Variants in ACHE observed in about 807,000 individuals in gnomAD.
The protein encoded by ACHE is acetylcholinesterase.
A neutral mutation model predicts 53.9 loss-of-function variants in ACHE; 19 were observed. The observed-to-expected ratio is 0.35, with a 90% CI of 0.25 to 0.52. The LOEUF is 0.52. Among genes scored for constraint, ACHE ranks in the 20% least tolerant of loss-of-function variants. The pLI, the probability that ACHE is intolerant of heterozygous loss-of-function variation, is 0.95. For synonymous variants in ACHE, 392 were observed against 378.1 expected, an observed-to-expected ratio of 1.04 and a Z score of -0.43; for missense variants, 605 against 849.4, an observed-to-expected ratio of 0.71 and a Z score of 3.58.
In ACHE at chr7:100,891,312, T is replaced by C; in HGVS notation, c.1580A>G (p.Lys527Arg). The C allele has an allele frequency of 6.3e-7, 1 of 1,577,896 alleles. No individual in the cohort carries two copies. The highest frequency in any genetic ancestry group is 1.1e-5 in the South Asian group (1 of 89,022). The change falls in exon 4 of 5, where the codon AAG (lysine) becomes AGG (arginine). Residue 527 changes from lysine to arginine, a missense_variant. Lys to Arg is a conservative substitution (Grantham distance 26). This residue lies in a region of ACHE where 91 missense variants were observed against 83.2 expected (regional missense o/e 1.09). Coordinates refer to ENST00000241069, the MANE Select transcript of ACHE (RefSeq NM_000665.5). ...TGDPNEPRDP[K>R]APQWPPYTAG... ...CGTGTACGGGGGCCATTGTGGGGCC[T>C]TGGGGTCTCGGGGCTCATTGGGATC...
upstream of ACHE, chr7:100,896,332 C>CAG (rs1462915734): frequency 6.5e-6 from 1 of 154,730 alleles, no homozygotes; most frequent in Non-Finnish European, 1.4e-5. Context: ...GGCCACGACA[C>CAG]AGACGGGTGG....
rs1790679209 is a variant in ACHE at position 100,891,300 on chromosome 7, C to T, written c.1592G>A (p.Trp531Ter). The T allele has an allele frequency of 6.3e-7, 1 of 1,594,176 alleles. No individual in the cohort carries two copies. Among genetic ancestry groups the T allele is most frequent in the Non-Finnish European group, 8.5e-7 (1 of 1,171,518 alleles). The change falls in exon 4 of 5, where the codon TGG becomes TAG. Residue 531 changes from tryptophan to a stop codon, truncating the protein, a stop_gained. Transcript: ENST00000241069. LOFTEE classifies it high-confidence loss of function. ...CTGAGCCCCCGCCGTGTACGGGGGC[C>T]ATTGTGGGGCCTTGGGGTCTCGGGG... Reference protein sequence around the residue: ...NEPRDPKAPQWPPYTAGAQQY... With the variant: ...NEPRDPKAPQ
chr7:100,895,095 C>G (rs1790967815), intron 1 of ACHE, among the ~76,000 whole-genome samples: 1 of 152,082 alleles, frequency 6.6e-6, no homozygotes, highest in Non-Finnish European at 1.5e-5. Flanking sequence ...GCCTGCGTTC[C>G]CGGGACTCCG....
Position 100,890,026 on chromosome 7 carries a change from G to C in ACHE, c.*188C>G. ...AACAGTTTATTGGCAGCCCAGAGGG[G>C]CGAAGGCACCGCGGGGGAGGGAGCT... On this transcript the variant is annotated 3_prime_UTR_variant, in exon 5 of 5. Transcript: ENST00000241069. The C allele has an allele frequency of 1.6e-6, 1 of 643,380 alleles. No homozygotes were observed. Among genetic ancestry groups the C allele is most frequent in the South Asian group, 2.1e-5 (1 of 46,898 alleles). The allele number at this position is 643,380 out of a possible 1,614,324, so 39.9% of individuals were successfully genotyped here.
Position 100,893,584 on chromosome 7 carries a change from TCTC to T in ACHE, c.646_648del (p.Glu216del), listed in dbSNP as rs761701642. The T allele has an allele frequency of 6.2e-7, 1 of 1,612,398 alleles. No homozygotes were observed. The highest frequency in any genetic ancestry group is 1.1e-5 in the South Asian group (1 of 91,072). On this transcript the variant is annotated inframe_deletion, in exon 2 of 5. Transcript: ENST00000241069. The stretch of plus-strand genomic sequence containing the variant: ...GGGTCACCCCCGAAGGCTGCCACGT[TCTC>T]CTGCACCCACTGCAGGGCCAGCCTC...
chr7:100,893,278 C>T lies in ACHE; in HGVS notation c.955G>A (p.Val319Met). The T allele has an allele frequency of 1.2e-6, 2 of 1,614,038 alleles. No individual in the cohort carries two copies. Among genetic ancestry groups the T allele is most frequent in the Non-Finnish European group, 1.7e-6 (2 of 1,180,014 alleles). The part of the protein sequence containing the change: ...AQVLVNHEWH[V>M]LPQESVFRFS... ...CGGAAGACGCTTTCTTGAGGCAGCA[C>T]GTGCCATTCGTGGTTCACCAGGACC... Residue 319 changes from valine to methionine, a missense_variant, in exon 2 of 5, where the codon GTG (valine) becomes ATG (methionine). This residue lies in a region of ACHE where 397 missense variants were observed against 632.5 expected (regional missense o/e 0.63). Transcript: ENST00000241069.
intron 3 of ACHE, among the ~76,000 whole-genome samples, chr7:100,891,783 C>T (rs1239497418): frequency 7.3e-4 from 76 of 103,470 alleles, no homozygotes; most frequent in African/African-American, 1.9e-3. Context: ...CTTGGTCTCC[C>T]TTTTTTTTTT....
At chr7:100,891,105 G>A (rs767659912) in intron 4 of ACHE, 64 bp downstream of exon 4, 6 of 1,553,146 alleles carry the variant, frequency 3.9e-6, no homozygotes, top group Non-Finnish European at 5.2e-6. Flanking sequence ...GGAGAAGAGA[G>A]GGGTTACACC....
At chr7:100,895,924 C>G (rs1349442774), upstream of ACHE, 9 of 149,556 alleles carry the variant, frequency 6.0e-5, no homozygotes, top group Non-Finnish European at 9.0e-5. Context: ...ACACCCCCTC[C>G]GGGCCTCACA....
chr7:100,893,086 A>T, intron 2 of ACHE, 79 bp downstream of exon 2: 1 of 1,462,022 alleles, frequency 6.8e-7, no homozygotes, highest in Non-Finnish European at 9.4e-7. Context: ...AGAAGCCCTC[A>T]TGCCTGGGTC....
chr7:100,893,985 G>A lies in ACHE; in HGVS notation c.248C>T (p.Pro83Leu). Residue 83 changes from proline to leucine, a missense_variant, in exon 2 of 5, where the codon CCC becomes CTC. Pro to Leu is a moderately conservative substitution (Grantham distance 98). Transcript: ENST00000241069. ...TACCACCCCTGACCAAGGCTGCTTG[G>A]GCTCCGGTGGCAGAAAGCGACGGGG... ...MGPRRFLPPE[P>L]KQPWSGVVDA... The A allele has an allele frequency of 6.2e-7, 1 of 1,612,116 alleles. No homozygotes were observed. Among genetic ancestry groups the A allele is most frequent in the Non-Finnish European group, 8.5e-7 (1 of 1,179,104 alleles).
intron 2 of ACHE, 99 bp downstream of exon 2, chr7:100,893,057 CTTCTGGGAA>C: frequency 7.5e-7 from 1 of 1,341,528 alleles, no homozygotes. Flanking sequence ...ACTTCTGGGA[CTTCTGGGAA>C]TGGGCCTGGA....
Position 100,890,152 on chromosome 7 carries a change from A to C in ACHE, c.*62T>G. On this transcript the variant is annotated 3_prime_UTR_variant, in exon 5 of 5. Transcript: ENST00000241069. The stretch of plus-strand genomic sequence containing the variant: ...CGTCTGTGTTATAGCCCAGCCCTGA[A>C]ATAAATAGTATATACAGCTAGGGGG... 1 of 1,588,626 alleles carries C rather than the reference A, an allele frequency of 6.3e-7. No homozygotes were observed. The highest frequency in any genetic ancestry group is 1.1e-5 in the South Asian group (1 of 89,928).
rs1032175906 is a variant in ACHE at position 100,893,561 on chromosome 7, G to A, written c.672C>T (p.Asp224=). Residue 224 remains aspartate (D), a synonymous_variant, in exon 2 of 5, where the codon GAC becomes GAT. Transcript: ENST00000241069. The part of the protein sequence containing the change: ...VQENVAAFGG[D]PTSVTLFGES... ...CCCCAAACAGCGTCACTGATGTCGG[G>A]TCACCCCCGAAGGCTGCCACGTTCT... The A allele has an allele frequency of 3.7e-6, 6 of 1,611,662 alleles. No homozygotes were observed. Among genetic ancestry groups the A allele is most frequent in the Non-Finnish European group, 4.2e-6 (5 of 1,180,036 alleles).
At chr7:100,891,410 G>A (rs887334433) in intron 3 of ACHE, 72 bp from the exon 4 acceptor site, 2 of 1,438,858 alleles carry the variant, frequency 1.4e-6, no homozygotes, top group Non-Finnish European at 1.8e-6. Flanking sequence ...ACGGGATCCC[G>A]GACTCTTCAG....
chr7:100,893,477 C>G lies in ACHE; in HGVS notation c.756G>C (p.Leu252=). 6.2e-7 allele frequency: 1 copy of G among 1,607,772 alleles called. No individual in the cohort carries two copies. Among genetic ancestry groups the G allele is most frequent in the Non-Finnish European group, 8.5e-7 (1 of 1,179,690 alleles). Residue 252 remains leucine, a synonymous_variant, in exon 2 of 5, where the codon CTG becomes CTC. Transcript: ENST00000241069. ...CGCTCTGCAGCACGGCCCTGTGGAACAGGCCCCGGCTGGGCGGGGACAGCA... is the reference window on the plus strand; with the variant it reads ...CGCTCTGCAGCACGGCCCTGTGGAAGAGGCCCCGGCTGGGCGGGGACAGCA... The part of the protein sequence containing the change: ...MHLLSPPSRG[L]FHRAVLQSGA...
In ACHE at chr7:100,890,197, T is replaced by TG; in HGVS notation, c.*16dup. ...AGGGGGCCGGGCGGAGCGGAGGACA[T>TG]GGGGGTCCCGCCGGGGTCACAGGTC... On this transcript the variant is annotated 3_prime_UTR_variant, in exon 5 of 5. Transcript: ENST00000241069. The TG allele has an allele frequency of 1.2e-6, 2 of 1,613,182 alleles. No homozygotes were observed. Among genetic ancestry groups the TG allele is most frequent in the Non-Finnish European group, 1.7e-6 (2 of 1,179,402 alleles).
At position 100,892,686 on chromosome 7, in the gene ACHE, C is replaced by T; in HGVS notation, c.1201G>A (p.Val401Ile). The change falls in exon 3 of 5, where the codon GTA (valine) becomes ATA (isoleucine). Residue 401 changes from valine (V) to isoleucine (I), a missense_variant. By Grantham distance (29) the Val-to-Ile change is conservative. Around this residue, in one of 4 missense-constraint regions of ACHE, gnomAD observed 397 missense variants for 632.5 expected, o/e 0.63. Coordinates refer to ENST00000241069, the MANE Select transcript of ACHE (RefSeq NM_000665.5). The surrounding 1 kb of genome is among the most constrained non-coding windows in gnomAD (Gnocchi z 5.2). ...ACAGCCTCGGCTGCCAGGTCACTTA[C>T]CTGGGGAACCCCGACCCGCACCCCG... Reference protein sequence around the residue: ...LAGVRVGVPQVSDLAAEAVVL... With the variant: ...LAGVRVGVPQISDLAAEAVVL... 6.2e-7 allele frequency: 1 copy of T among 1,613,596 alleles called. No homozygotes were observed. Among genetic ancestry groups the T allele is most frequent in the South Asian group, 1.1e-5 (1 of 91,060 alleles).
Position 100,890,256 on chromosome 7 carries a change from C to T in ACHE, c.1803G>A (p.Gln601=). 1.2e-6 allele frequency: 2 copies of T among 1,613,534 alleles called. No individual in the cohort carries two copies. The highest frequency in any genetic ancestry group is 1.7e-5 in the Admixed American group (1 of 59,966). Reference sequence around the variant, plus strand: ...GATCCTGCTTGCTGTAGTGGTCGAACTGGTTCTTCCAGTGCACCATGTAGG... The same window carrying T: ...GATCCTGCTTGCTGTAGTGGTCGAATTGGTTCTTCCAGTGCACCATGTAGG... ...WSSYMVHWKN[Q]FDHYSKQDRC... is the part of the protein sequence containing the mutation. Residue 601 remains glutamine (Q), a synonymous_variant, in exon 5 of 5, where the codon CAG becomes CAA. Transcript: ENST00000241069.
Sources: allele counts gnomAD v4.1 joint callset (sites outside exome capture counted in the v4.1 genomes callset), GRCh38; gene constraint gnomAD v4.1.1; regional missense constraint gnomAD v4.1.1; non-coding constraint Gnocchi (gnomAD v3.1); transcripts MANE v1.5; gene names NCBI Gene and HGNC (gene_info 2026-07-23, HGNC 2026-07-21).